The following ARMH1 variants were observed in gnomAD, a reference collection of about 807,000 sequenced individuals.
The protein encoded by ARMH1 is armadillo-like helical domain containing protein 1.
In ARMH1, 34 loss-of-function variants were observed where a neutral mutation model predicts 50.2. That is an observed-to-expected ratio of 0.68 (90% CI 0.51 to 0.90). The LOEUF (loss-of-function observed/expected upper bound fraction) is 0.90. ARMH1 is among the 40% of genes least tolerant of loss of function. The probability of loss-of-function intolerance (pLI) is 0.00; values close to 1 mark genes in which losing one functional copy is unlikely to be tolerated. For missense variants in ARMH1, 538 were observed against 553.9 expected (o/e 0.97, Z 0.29); for synonymous variants, 221 against 224.2 (o/e 0.99, Z 0.13).
rs150825566 is a variant in ARMH1, at chr1:44,705,751, T to C, written c.724+1578T>C. On this transcript the variant is annotated intron_variant, in intron 6 of 11. Coordinates refer to ENST00000535358, the MANE Select transcript of ARMH1 (RefSeq NM_001145636.2). Reference sequence around the variant, plus strand: ...TAGCGCATGGCAGATATTTAAACGATATAATTTCCTTCCCTTTCCCTATAG... The same window carrying C: ...TAGCGCATGGCAGATATTTAAACGACATAATTTCCTTCCCTTTCCCTATAG... Among the ~76,000 whole-genome samples, 394 of 152,312 alleles carry C rather than the reference T, an allele frequency of 2.6e-3. 1 individual carries two copies. The highest frequency in any genetic ancestry group is 4.2e-3 in the Non-Finnish European group (283 of 68,022).
At chr1:44,717,008 G>A (rs1646880664) in intron 6 of ARMH1, among the ~76,000 whole-genome samples, 3 of 151,904 alleles carry the variant, frequency 2.0e-5, no homozygotes, top group African/African-American at 4.8e-5. Flanking sequence ...CTGCCACTGC[G>A]CCCAGCTAAT....
intron 6 of ARMH1, among the ~76,000 whole-genome samples, chr1:44,723,394 G>C (rs1647692502): frequency 6.6e-6 from 1 of 152,126 alleles, no homozygotes; most frequent in African/African-American, 2.4e-5. Flanking sequence ...GTGAATGCTG[G>C]ACTGAATGAA....
intron 5 of ARMH1, among the ~76,000 whole-genome samples, chr1:44,701,371 A>C (rs1646073295): frequency 6.6e-6 from 1 of 152,250 alleles, no homozygotes; most frequent in Admixed American, 6.5e-5. Flanking sequence ...TGAGACAAGC[A>C]ACAAGGATGA....
intron 1 of ARMH1, among the ~76,000 whole-genome samples, chr1:44,687,084 A>G (rs1645496959): frequency 6.6e-6 from 1 of 152,228 alleles, no homozygotes; most frequent in South Asian, 2.1e-4. Flanking sequence ...ACAAAGTGTT[A>G]TAGACTAGAT....
chr1:44,698,851 A>G (rs1645923262), intron 4 of ARMH1, among the ~76,000 whole-genome samples: 1 of 151,364 alleles, frequency 6.6e-6, no homozygotes, highest in Non-Finnish European at 1.5e-5. Flanking sequence ...GAATAACTCA[A>G]GAAATAAAAT....
chr1:44,707,904 T>C (rs1006694827), intron 6 of ARMH1, among the ~76,000 whole-genome samples: 17 of 152,206 alleles, frequency 1.1e-4, no homozygotes, highest in Admixed American at 9.2e-4. Flanking sequence ...GTGATAACAA[T>C]GAAACTACAT....
chr1:44,723,943 A>G, intron 6 of ARMH1, 179 bp from the exon 7 acceptor site: 1 of 715,844 alleles, frequency 1.4e-6, no homozygotes, highest in South Asian at 2.2e-5. Flanking sequence ...CTCCCCCTTC[A>G]GCCCCCTCCT....
At chr1:44,684,619 C>T (rs534997844) in intron 1 of ARMH1, 6 of 152,296 alleles carry the variant, frequency 3.9e-5, no homozygotes, top group Admixed American at 1.3e-4. Flanking sequence ...AGGCTTAATG[C>T]TTGAAAGCAC....
At chr1:44,723,731 C>G (rs2148803625) in intron 6 of ARMH1, 1 of 174,712 alleles carries the variant, frequency 5.7e-6, no homozygotes, top group Admixed American at 6.3e-5. Context: ...CATTTCCTGC[C>G]ACAAGTCTCC....
At chr1:44,675,686 G>T (rs1292677933) in intron 1 of ARMH1, among the ~76,000 whole-genome samples, 3 of 151,672 alleles carry the variant, frequency 2.0e-5, no homozygotes, top group Non-Finnish European at 4.4e-5. Context: ...AGAGCCCAGT[G>T]TGGTGTCTCA....
intron 6 of ARMH1, chr1:44,721,705 G>C (rs575611981): frequency 6.6e-6 from 1 of 152,164 alleles, no homozygotes; most frequent in African/African-American, 2.4e-5. Flanking sequence ...CTACAACCTG[G>C]GTGACATTTG....
chr1:44,709,600 A>G (rs1646507265), intron 6 of ARMH1, among the ~76,000 whole-genome samples: 1 of 151,666 alleles, frequency 6.6e-6, no homozygotes, highest in Non-Finnish European at 1.5e-5. Flanking sequence ...TGAACCCAGG[A>G]GGTGGAGGTT....
intron 4 of ARMH1, among the ~76,000 whole-genome samples, chr1:44,700,347 G>A (rs1057480846): frequency 5.9e-5 from 9 of 152,158 alleles, no homozygotes; most frequent in South Asian, 2.1e-4. Flanking sequence ...GCCGGGCGCC[G>A]TGGCTCACGC....
intron 2 of ARMH1, among the ~76,000 whole-genome samples, chr1:44,693,249 CCCA>C (rs1645717486): frequency 6.6e-6 from 1 of 152,098 alleles, no homozygotes; most frequent in Admixed American, 6.5e-5. Flanking sequence ...GGCTCCTGTC[CCCA>C]CAACTCATGA....
chr1:44,724,661 C>A lies in ARMH1; in HGVS notation c.1043C>A (p.Thr348Lys). The change falls in exon 9 of 12, where the codon ACG becomes AAG. Residue 348 changes from threonine to lysine, a missense_variant. Coordinates refer to ENST00000535358, the MANE Select transcript of ARMH1 (RefSeq NM_001145636.2). This position sits in a 1 kb window ranked among gnomAD's most constrained non-coding sequence, Gnocchi z 6.4. ...HSNSQRLASL[T>K]LECFVQMFPL... The stretch of plus-strand genomic sequence containing the variant: ...AACAGCCAGCGGCTGGCCAGCCTCA[C>A]GCTGGAGGTGCGCGCGGCGGCTGGT... 6.7e-7 allele frequency: 1 copy of A among 1,494,534 alleles called. No homozygotes were observed. 92.6% of individuals were successfully genotyped at this position (1,494,534 alleles called of 1,614,324 possible).
intron 6 of ARMH1, among the ~76,000 whole-genome samples, chr1:44,707,326 C>T (rs1006622201): frequency 6.6e-6 from 1 of 152,194 alleles, no homozygotes; most frequent in African/African-American, 2.4e-5. Flanking sequence ...TGCCTTTCTC[C>T]TCCAGACCTC....
Position 44,704,156 on chromosome 1 carries a change from TG to T in ARMH1, c.709del (p.Glu237LysfsTer9). On this transcript the variant is annotated frameshift_variant, in exon 6 of 12. Coordinates refer to ENST00000535358, the MANE Select transcript of ARMH1 (RefSeq NM_001145636.2). LOFTEE classifies it high-confidence loss of function. The stretch of plus-strand genomic sequence containing the variant: ...CTGAAGGTGCTGGGCACGATGCACC[TG>T]GAAGTCCAGTATGAAGGTAGGGAGC... ...CVLKVLGTMH[L>X]EVQYEAIELI... is the part of the protein sequence containing the mutation. 6.4e-7 allele frequency: 1 copy of T among 1,551,108 alleles called. No homozygotes were observed. The highest frequency in any genetic ancestry group is 8.7e-7 in the Non-Finnish European group (1 of 1,146,662).
At chr1:44,720,348 TGG>T (rs1179217744) in intron 6 of ARMH1, among the ~76,000 whole-genome samples, 1 of 152,176 alleles carries the variant, frequency 6.6e-6, no homozygotes, top group Non-Finnish European at 1.5e-5. Context: ...GAGCCTCCTC[TGG>T]GGTCATCCAC....
chr1:44,721,619 CTTATGA>C (rs1557567297), intron 6 of ARMH1, among the ~76,000 whole-genome samples: 5 of 152,024 alleles, frequency 3.3e-5, no homozygotes. Context: ...ATTAGACAGG[CTTATGA>C]GGCTGAGGTG....
Sources: gnomAD v4.1 joint callset for allele counts (sites outside exome capture counted in the v4.1 genomes callset) on GRCh38, gnomAD v4.1.1 for gene constraint, Gnocchi (gnomAD v3.1) non-coding constraint, MANE v1.5 for transcripts, NCBI Gene and HGNC (gene_info 2026-07-23, HGNC 2026-07-21) for gene names.